Variants in MCF2L2 observed in about 807,000 individuals in gnomAD.
The protein encoded by MCF2L2 is probable guanine nucleotide exchange factor MCF2L2.
In MCF2L2, 102 loss-of-function variants were observed where a neutral mutation model predicts 150.2. The ratio of observed to expected loss-of-function variants is 0.68; its 90% CI spans 0.58 to 0.80. The LOEUF is 0.80. MCF2L2 is among the 30% of genes least tolerant of loss of function. The pLI is 0.00. For synonymous variants in MCF2L2, 465 were observed against 491.3 expected, an observed-to-expected ratio of 0.95 and a Z score of 0.71; for missense variants, 1,256 against 1,372.8, an observed-to-expected ratio of 0.91 and a Z score of 1.34.
chr3:183,213,411 C>T (rs1465690859), intron 22 of MCF2L2, among the ~76,000 whole-genome samples: 2 of 151,886 alleles, frequency 1.3e-5, no homozygotes, highest in Non-Finnish European at 2.9e-5. Context: ...ATATAAATAT[C>T]AGAAGGGATT....
chr3:183,331,962 T>C (rs1327506419), intron 5 of MCF2L2, among the ~76,000 whole-genome samples: 6 of 152,224 alleles, frequency 3.9e-5, no homozygotes, highest in Non-Finnish European at 8.8e-5. Context: ...AATTACATCC[T>C]TGACCCACCT....
At chr3:183,210,743 G>A (rs375585181) in intron 22 of MCF2L2, among the ~76,000 whole-genome samples, 1 of 152,178 alleles carries the variant, frequency 6.6e-6, no homozygotes, top group Non-Finnish European at 1.5e-5. Flanking sequence ...AGAGGAAACA[G>A]CCCCAACCAG....
chr3:183,206,324 CTTCCT>C (rs1433886827), intron 23 of MCF2L2, 110 bp from the exon 24 acceptor site: 4 of 828,362 alleles, frequency 4.8e-6, no homozygotes, highest in South Asian at 1.5e-5. Flanking sequence ...CTTCTTTCAT[CTTCCT>C]TTCAAGTTTT....
At chr3:183,361,670 C>G (rs940657213) in intron 3 of MCF2L2, among the ~76,000 whole-genome samples, 2 of 152,150 alleles carry the variant, frequency 1.3e-5, no homozygotes, top group African/African-American at 4.8e-5. Context: ...ATTAACCAGT[C>G]TCAGGTAGTG....
At chr3:183,232,847 T>C (rs1723621259) in intron 15 of MCF2L2, among the ~76,000 whole-genome samples, 1 of 152,294 alleles carries the variant, frequency 6.6e-6, no homozygotes, top group Non-Finnish European at 1.5e-5. Flanking sequence ...TAAATGAGGG[T>C]GTGGAAAAAC....
intron 14 of MCF2L2, among the ~76,000 whole-genome samples, chr3:183,288,481 C>CT (rs535192977): frequency 0.037 from 4,978 of 135,154 alleles, 263 homozygotes; most frequent in African/African-American, 0.12. Context: ...TTGTCATGCT[C>CT]TTTTTTTTTT....
At chr3:183,278,410 G>A (rs1423729923) in intron 14 of MCF2L2, among the ~76,000 whole-genome samples, 1 of 151,550 alleles carries the variant, frequency 6.6e-6, no homozygotes, top group Non-Finnish European at 1.5e-5. Context: ...ATTCAAATTC[G>A]AACCAGTCCC....
In MCF2L2 at chr3:183,270,611, AT is replaced by A; in HGVS notation, c.1862+6260del. 1.2e-6 allele frequency: 2 copies of A among 1,614,212 alleles called. No homozygotes were observed. The highest frequency in any genetic ancestry group is 1.7e-6 in the Non-Finnish European group (2 of 1,180,030). ...ATGTAGCTGCCAAAGTCTATGAGGC[AT>A]CACAGACACTAAATTCAAGTCTTTA... On this transcript the variant is annotated intron_variant, in intron 15 of 29. Coordinates refer to ENST00000328913, the MANE Select transcript of MCF2L2 (RefSeq NM_015078.4). This position sits in a 1 kb window ranked among gnomAD's most constrained non-coding sequence, Gnocchi z 4.5.
chr3:183,204,944 G>A (rs1399725310), intron 25 of MCF2L2, among the ~76,000 whole-genome samples: 2 of 152,194 alleles, frequency 1.3e-5, no homozygotes, highest in African/African-American at 4.8e-5. Context: ...ATCCAATAGA[G>A]ACAGGAAATA....
intron 3 of MCF2L2, among the ~76,000 whole-genome samples, chr3:183,365,699 A>G (rs1263514429): frequency 6.6e-6 from 1 of 152,228 alleles, no homozygotes; most frequent in African/African-American, 2.4e-5. Context: ...TAGATTTAGG[A>G]AAGCTTTCTA....
At chr3:183,369,481 T>A (rs190620269) in intron 3 of MCF2L2, among the ~76,000 whole-genome samples, 34 of 152,340 alleles carry the variant, frequency 2.2e-4, no homozygotes, top group African/African-American at 8.2e-4. Context: ...TGCTGCCATT[T>A]TTTTGTACAT....
chr3:183,387,850 C>A (rs6808726), intron 2 of MCF2L2, among the ~76,000 whole-genome samples: 1 of 150,600 alleles, frequency 6.6e-6, no homozygotes, highest in Non-Finnish European at 1.5e-5. Context: ...GATAATCACT[C>A]GAACCTGGGA....
chr3:183,216,219 T>C (rs1722904991), intron 21 of MCF2L2, 125 bp from the exon 22 acceptor site: 1 of 1,020,934 alleles, frequency 9.8e-7, no homozygotes, highest in East Asian at 2.5e-5. Flanking sequence ...TGGATATTGA[T>C]CTGTCTCCCT....
At chr3:183,216,631 G>T (rs1370838440) in intron 21 of MCF2L2, among the ~76,000 whole-genome samples, 2 of 111,398 alleles carry the variant, frequency 1.8e-5, no homozygotes, top group Non-Finnish European at 3.3e-5. Flanking sequence ...GCGAGAGAGA[G>T]TTTCACTCTG....
At chr3:183,381,853 C>A (rs1232630029) in intron 2 of MCF2L2, among the ~76,000 whole-genome samples, 31 of 152,168 alleles carry the variant, frequency 2.0e-4, no homozygotes, top group Admixed American at 2.0e-3. Flanking sequence ...TTCCTCTTTG[C>A]AGTTTCACAA....
chr3:183,264,861 G>T (rs1427038245), intron 15 of MCF2L2, among the ~76,000 whole-genome samples: 2 of 152,106 alleles, frequency 1.3e-5, no homozygotes. Context: ...TGAGGGGCAC[G>T]GCTCCTAGAC....
chr3:183,417,924 G>A (rs561356795), intron 1 of MCF2L2, among the ~76,000 whole-genome samples: 24 of 152,226 alleles, frequency 1.6e-4, no homozygotes, highest in Admixed American at 5.2e-4. Flanking sequence ...TCTTGTGGCG[G>A]GGCCTGTAAT....
chr3:183,284,109 A>G (rs1220026162), intron 14 of MCF2L2, among the ~76,000 whole-genome samples: 1 of 152,170 alleles, frequency 6.6e-6, no homozygotes, highest in African/African-American at 2.4e-5. Context: ...AACACACCAA[A>G]TATTTTAGTG....
At chr3:183,249,147 A>C (rs1360777285) in intron 15 of MCF2L2, among the ~76,000 whole-genome samples, 1 of 152,084 alleles carries the variant, frequency 6.6e-6, no homozygotes, top group African/African-American at 2.4e-5. Flanking sequence ...TCACTCCCTC[A>C]CTCAATTTGC....
Sources: gnomAD v4.1 joint callset for allele counts (sites outside exome capture counted in the v4.1 genomes callset) on GRCh38, gnomAD v4.1.1 for gene constraint, Gnocchi (gnomAD v3.1) non-coding constraint, MANE v1.5 for transcripts, NCBI Gene and HGNC (gene_info 2026-07-23, HGNC 2026-07-21) for gene names.